The following OTUB2 variants were observed in gnomAD, a reference collection of about 807,000 sequenced individuals.
The protein encoded by OTUB2 is OTU deubiquitinase, ubiquitin aldehyde binding 2, also known as ubiquitin thioesterase OTUB2.
A neutral mutation model predicts 25.1 loss-of-function variants in OTUB2; 21 were observed. That is an observed-to-expected ratio of 0.84 (90% CI 0.59 to 1.21). The LOEUF (loss-of-function observed/expected upper bound fraction) is 1.21. OTUB2 is among the 50% of genes most tolerant of loss of function. The pLI is 0.00. For missense variants in OTUB2, 283 were observed against 298.0 expected, an observed-to-expected ratio of 0.95 and a Z score of 0.37; for synonymous variants, 122 against 122.8, an observed-to-expected ratio of 0.99 and a Z score of 0.04.
chr14:94,042,972 C>T (rs191982916), intron 3 of OTUB2, among the ~76,000 whole-genome samples: 37 of 152,360 alleles, frequency 2.4e-4, no homozygotes, highest in African/African-American at 8.9e-4. Flanking sequence ...CCTCACCCTG[C>T]AATCAGGACA....
intron 1 of OTUB2, among the ~76,000 whole-genome samples, chr14:94,035,256 T>C (rs1184969009): frequency 1.3e-5 from 2 of 151,828 alleles, no homozygotes; most frequent in Non-Finnish European, 2.9e-5. Flanking sequence ...TTTGGAAACA[T>C]TCTTCATCCA....
At chr14:94,040,385 AC>A (rs1264077815) in intron 3 of OTUB2, among the ~76,000 whole-genome samples, 1 of 152,114 alleles carries the variant, frequency 6.6e-6, no homozygotes, top group East Asian at 1.9e-4. Context: ...TTTCCCCACG[AC>A]CCATGTCCCC....
intron 1 of OTUB2, among the ~76,000 whole-genome samples, chr14:94,028,937 G>A (rs1182571870): frequency 1.3e-5 from 2 of 152,292 alleles, no homozygotes; most frequent in South Asian, 2.1e-4. Context: ...GCGGGTGCGG[G>A]GGGACAGTGG....
Position 94,030,119 on chromosome 14 carries a change from C to T in OTUB2, c.3+3579C>T, listed in dbSNP as rs536374852. On this transcript the variant is annotated intron_variant, in intron 1 of 5. Coordinates refer to ENST00000203664, the MANE Select transcript of OTUB2 (RefSeq NM_023112.4). Reference sequence around the variant, plus strand: ...TCCACTGGAGGGCATGGGGGAAGGGCGTGCCCTTGCTGGTTAAGCAGCTTG... The same window carrying T: ...TCCACTGGAGGGCATGGGGGAAGGGTGTGCCCTTGCTGGTTAAGCAGCTTG... Among the ~76,000 whole-genome samples, 11 of 152,222 alleles carry T rather than the reference C, an allele frequency of 7.2e-5. No homozygotes were observed. In the South Asian group the frequency reaches 1.0e-3, roughly 14 times the overall value.
chr14:94,026,986 G>T (rs1448322400), intron 1 of OTUB2, among the ~76,000 whole-genome samples: 5 of 152,364 alleles, frequency 3.3e-5, no homozygotes, highest in Non-Finnish European at 7.3e-5. Context: ...CAACCCCAAG[G>T]GAGGATCTAG....
intron 1 of OTUB2, 28 bp from the exon 2 acceptor site, chr14:94,037,352 C>T (rs1162070703): frequency 2.6e-6 from 4 of 1,513,870 alleles, no homozygotes; most frequent in Non-Finnish European, 3.7e-6. Flanking sequence ...GAAATTGTCA[C>T]AGCATTTCTT....
rs114700390 is a variant in OTUB2, at chr14:94,039,227, G to A, written c.218+146G>A. 1.6e-3 allele frequency: 1,059 copies of A among 665,580 alleles called. 5 individuals are homozygous for A. In the African/African-American group the frequency reaches 0.018, roughly 11 times the overall value. The allele number at this position is 665,580 out of a possible 1,614,324, so 41.2% of individuals were successfully genotyped here. ...GCCTGGCAGAGGCGTTTGATGTTGG[G>A]GGTGCCCAGCTGCCTGCTGTGGTGA... On this transcript the variant is annotated intron_variant, in intron 3 of 5. Coordinates refer to ENST00000203664, the MANE Select transcript of OTUB2 (RefSeq NM_023112.4).
At position 94,026,543 on chromosome 14, in the gene OTUB2, C is replaced by T; in HGVS notation, c.3+3C>T. On this transcript the variant is annotated splice_donor_region_variant and intron_variant, in intron 1 of 5. Transcript: ENST00000203664. ...GCCTGGCGGCTCTGGTCACTATGGT[C>T]AGTGATCGTGGGGGATCGCGAAGGG... The T allele has an allele frequency of 3.2e-6, 4 of 1,253,178 alleles. No individual in the cohort carries two copies. Among genetic ancestry groups the T allele is most frequent in the Non-Finnish European group, 4.0e-6 (4 of 994,050 alleles). The allele number at this position is 1,253,178 out of a possible 1,614,324, so 77.6% of individuals were successfully genotyped here. A position where few individuals can be genotyped will look rare whatever the true frequency, so the allele number is the denominator to read the frequency against.
At chr14:94,040,304 C>A (rs1885136960) in intron 3 of OTUB2, among the ~76,000 whole-genome samples, 1 of 152,198 alleles carries the variant, frequency 6.6e-6, no homozygotes, top group Non-Finnish European at 1.5e-5. Context: ...CAAGCCATTC[C>A]CCTCCCCAAC....
chr14:94,041,026 CGGG>C lies in OTUB2; in HGVS notation c.218+1948_218+1950del, dbSNP rs1454552146. Among the ~76,000 whole-genome samples, 63 of 152,156 alleles carry C rather than the reference CGGG, an allele frequency of 4.1e-4. 1 individual carries two copies. The highest frequency in any genetic ancestry group is 1.5e-5 in the Non-Finnish European group (1 of 68,018). On this transcript the variant is annotated intron_variant, in intron 3 of 5. Coordinates refer to ENST00000203664, the MANE Select transcript of OTUB2 (RefSeq NM_023112.4). ...TGCTGGCTGCTGTGTGCAGGACAGACGGGGGCGGAGACACAGCCAGGGAGATGT... is the reference window on the plus strand; with the variant it reads ...TGCTGGCTGCTGTGTGCAGGACAGACGGCGGAGACACAGCCAGGGAGATGT...
At chr14:94,037,850 C>T (rs8004255) in intron 2 of OTUB2, among the ~76,000 whole-genome samples, 22,364 of 152,212 alleles carry the variant, frequency 0.15, 1,923 homozygotes, top group African/African-American at 0.23. Context: ...ACCCAGGCAG[C>T]TGAGTCTCAA....
intron 3 of OTUB2, among the ~76,000 whole-genome samples, chr14:94,042,131 C>T (rs996253015): frequency 2.0e-5 from 3 of 152,252 alleles, no homozygotes; most frequent in South Asian, 4.1e-4. Context: ...TAGAAGTATG[C>T]GAAGTACTTG....
chr14:94,033,449 TC>T (rs1884996333), intron 1 of OTUB2, among the ~76,000 whole-genome samples: 1 of 152,226 alleles, frequency 6.6e-6, no homozygotes, highest in Non-Finnish European at 1.5e-5. Context: ...ATTCCACTCC[TC>T]CATTGATTAC....
Position 94,026,486 on chromosome 14 carries a change from C to T in OTUB2, c.-52C>T. On this transcript the variant is annotated 5_prime_UTR_variant, in exon 1 of 6. Coordinates refer to ENST00000203664, the MANE Select transcript of OTUB2 (RefSeq NM_023112.4). ...GCCCGCGCCTCCCGCGGCATTCCCG[C>T]ACCGGATCGCTCCTCGCTGGGGCGG... The T allele has an allele frequency of 7.5e-7, 1 of 1,327,416 alleles. No homozygotes were observed. The highest frequency in any genetic ancestry group is 2.0e-5 in the South Asian group (1 of 49,404). The allele number at this position is 1,327,416 out of a possible 1,614,324, so 82.2% of individuals were successfully genotyped here. A position where few individuals can be genotyped will look rare whatever the true frequency, so the allele number is the denominator to read the frequency against.
At chr14:94,033,119 C>A (rs1176363644) in intron 1 of OTUB2, among the ~76,000 whole-genome samples, 1 of 152,082 alleles carries the variant, frequency 6.6e-6, no homozygotes, top group African/African-American at 2.4e-5. Context: ...GCCATGTTGG[C>A]CAGGATGGTC....
At chr14:94,039,117 G>A in intron 3 of OTUB2, 36 bp downstream of exon 3, 1 of 1,519,098 alleles carries the variant, frequency 6.6e-7, no homozygotes, top group Non-Finnish European at 9.1e-7. Context: ...TCAGGGCTGT[G>A]TTCTCTGTGC....
chr14:94,046,015 CTG>C lies in OTUB2; in HGVS notation c.*95_*96del. 7.1e-7 allele frequency: 1 copy of C among 1,402,050 alleles called. No homozygotes were observed. The highest frequency in any genetic ancestry group is 2.4e-5 in the East Asian group (1 of 41,684). The allele number at this position is 1,402,050 out of a possible 1,614,324, so 86.9% of individuals were successfully genotyped here. ...TCTTCAATTTTTTAAGCAATTTAGACTGTAGCAAGAAAATGTGCAGCCTTTTG... is the reference window on the plus strand; with the variant it reads ...TCTTCAATTTTTTAAGCAATTTAGACTAGCAAGAAAATGTGCAGCCTTTTG... On this transcript the variant is annotated 3_prime_UTR_variant, in exon 6 of 6. Coordinates refer to ENST00000203664, the MANE Select transcript of OTUB2 (RefSeq NM_023112.4).
chr14:94,034,714 T>C (rs1232269966), intron 1 of OTUB2, among the ~76,000 whole-genome samples: 1 of 152,210 alleles, frequency 6.6e-6, no homozygotes, highest in African/African-American at 2.4e-5. Context: ...TCATCTTCCA[T>C]GTGTTGACTT....
rs11844470 is a variant in OTUB2 at position 94,046,825 on chromosome 14, C to T, written c.*903C>T. ...CATGGACCCAGCTGAGCAGAGCAGA[C>T]GCTTTGCAGGCTGCCCCTGGCTTCT... On this transcript the variant is annotated 3_prime_UTR_variant, in exon 6 of 6. Transcript: ENST00000203664. 5,959 of 152,822 alleles carry T rather than the reference C, an allele frequency of 0.039. 355 individuals carry two copies. The highest frequency in any genetic ancestry group is 0.13 in the African/African-American group (5,359 of 41,558). The allele number at this position is 152,822 out of a possible 1,614,324, so 9.5% of individuals were successfully genotyped here. A position where few individuals can be genotyped will look rare whatever the true frequency, so the allele number is the denominator to read the frequency against.
Sources: gnomAD v4.1 joint callset for allele counts (sites outside exome capture counted in the v4.1 genomes callset) on GRCh38, gnomAD v4.1.1 for gene constraint, MANE v1.5 for transcripts, NCBI Gene and HGNC (gene_info 2026-07-23, HGNC 2026-07-21) for gene names.